ZC3H13: variants seen among roughly 807,000 people sequenced by gnomAD.
ZC3H13 encodes the protein zinc finger CCCH-type containing 13.
Under a neutral mutation model 204.1 loss-of-function variants are expected in ZC3H13, and 64 were observed. That is an observed-to-expected ratio of 0.31 (90% CI 0.26 to 0.39). The LOEUF (loss-of-function observed/expected upper bound fraction) is 0.39. Ranked by LOEUF, ZC3H13 falls within the 10% of genes least tolerant of loss-of-function variation. The pLI is 1.00. For missense variants in ZC3H13, 1,833 were observed against 2,082.7 expected (o/e 0.88, Z 2.33); for synonymous variants, 667 against 693.7 (o/e 0.96, Z 0.60).
At chr13:45,975,062 T>C (rs892050731) in intron 12 of ZC3H13, among the ~76,000 whole-genome samples, 19 of 151,956 alleles carry the variant, frequency 1.3e-4, no homozygotes, top group African/African-American at 4.6e-4. Flanking sequence ...CCCAGGCTGG[T>C]CTCAAACTCC....
chr13:46,044,263 G>C (rs1237534231), intron 3 of ZC3H13, among the ~76,000 whole-genome samples: 1 of 151,270 alleles, frequency 6.6e-6, no homozygotes, highest in African/African-American at 2.4e-5. Flanking sequence ...ACCAATTTTG[G>C]ATCTAGGTAA....
chr13:45,986,628 G>T (rs959318826), intron 9 of ZC3H13, among the ~76,000 whole-genome samples: 2 of 152,074 alleles, frequency 1.3e-5, no homozygotes, highest in Non-Finnish European at 2.9e-5. Flanking sequence ...TTTAGAAAGG[G>T]CACAAATTGA....
chr13:46,005,992 G>C (rs997507074), intron 7 of ZC3H13, among the ~76,000 whole-genome samples: 2 of 151,912 alleles, frequency 1.3e-5, no homozygotes, highest in Non-Finnish European at 2.9e-5. Flanking sequence ...CTACTCAGGA[G>C]GCTGAGGCAG....
At chr13:46,011,674 T>C (rs2041572319) in intron 5 of ZC3H13, 120 bp from the exon 6 acceptor site, 1 of 619,536 alleles carries the variant, frequency 1.6e-6, no homozygotes, top group Non-Finnish European at 2.5e-6. Context: ...TTCATCAGGA[T>C]CACATACTTC....
chr13:45,967,382 G>GA, intron 15 of ZC3H13, 122 bp downstream of exon 15: 2 of 1,109,212 alleles, frequency 1.8e-6, no homozygotes, highest in Non-Finnish European at 2.5e-6. Flanking sequence ...TTCCTCTATA[G>GA]AAGAATGGAG....
intron 9 of ZC3H13, among the ~76,000 whole-genome samples, chr13:45,986,714 T>G (rs1186029886): frequency 6.6e-6 from 1 of 152,174 alleles, no homozygotes; most frequent in African/African-American, 2.4e-5. Flanking sequence ...TTTTATCAGA[T>G]TCTTCTGCAA....
intron 16 of ZC3H13, among the ~76,000 whole-genome samples, chr13:45,964,326 G>C (rs1170418390): frequency 6.6e-6 from 1 of 152,172 alleles, no homozygotes; most frequent in Non-Finnish European, 1.5e-5. Flanking sequence ...GAACTCTATT[G>C]ATTTCACTCA....
chr13:46,045,771 A>G (rs2043908732), intron 1 of ZC3H13, among the ~76,000 whole-genome samples: 1 of 152,224 alleles, frequency 6.6e-6, no homozygotes, highest in Non-Finnish European at 1.5e-5. Context: ...TGCAGAGTGA[A>G]CGAATATGAT....
intron 8 of ZC3H13, among the ~76,000 whole-genome samples, chr13:45,993,455 G>C (rs1431754818): frequency 1.3e-5 from 2 of 152,144 alleles, no homozygotes; most frequent in Admixed American, 1.3e-4. Flanking sequence ...GGAGGTAGGA[G>C]GGATCTTGAT....
chr13:45,988,657 T>C, intron 9 of ZC3H13, 130 bp downstream of exon 9: 1 of 973,768 alleles, frequency 1.0e-6, no homozygotes, highest in Non-Finnish European at 1.5e-6. Context: ...GCATCTCCTA[T>C]TGCCCTCAAA....
intron 1 of ZC3H13, among the ~76,000 whole-genome samples, chr13:46,045,920 GAA>G (rs1427886223): frequency 6.6e-6 from 1 of 152,148 alleles, no homozygotes; most frequent in Non-Finnish European, 1.5e-5. Context: ...CTGGTTAACT[GAA>G]AAAGAGTTAT....
chr13:45,968,131 T>C (rs1952249766), intron 14 of ZC3H13, 103 bp from the exon 15 acceptor site: 1 of 1,213,958 alleles, frequency 8.2e-7, no homozygotes, highest in South Asian at 1.7e-5. Flanking sequence ...CCTTTTTCCA[T>C]ATTCTATGTA....
chr13:45,992,973 C>T (rs1345810068), intron 8 of ZC3H13, among the ~76,000 whole-genome samples: 1 of 152,110 alleles, frequency 6.6e-6, no homozygotes, highest in Non-Finnish European at 1.5e-5. Context: ...GGCTTTATAG[C>T]CTCCATAATT....
At chr13:45,980,376 A>G (rs899940016) in intron 10 of ZC3H13, among the ~76,000 whole-genome samples, 4 of 152,230 alleles carry the variant, frequency 2.6e-5, no homozygotes, top group African/African-American at 4.8e-5. Flanking sequence ...TATTGCTTAA[A>G]TACAGTTTAC....
At chr13:45,968,096 TCAA>T (rs1952246658) in intron 14 of ZC3H13, 68 bp from the exon 15 acceptor site, 10 of 1,460,382 alleles carry the variant, frequency 6.8e-6, no homozygotes, top group Non-Finnish European at 9.1e-6. Flanking sequence ...ATGCTTCATT[TCAA>T]GGTCCTTTAA....
rs575304585 is a variant in ZC3H13, at chr13:46,033,968, A to G, written c.339+8196T>C. Among the ~76,000 whole-genome samples the G allele has an allele frequency of 9.2e-5, 14 of 152,278 alleles. No individual in the cohort carries two copies. In the South Asian group the frequency reaches 2.7e-3, roughly 29 times the overall value. The stretch of plus-strand genomic sequence containing the variant: ...GAATATTACCAATTGGTAATAGGAC[A>G]AAGAGCCTAATTTATGAGCAAAAGA... On this transcript the variant is annotated intron_variant, in intron 4 of 18. Coordinates refer to ENST00000679008, the MANE Select transcript of ZC3H13 (RefSeq NM_001330564.2).
intron 12 of ZC3H13, among the ~76,000 whole-genome samples, chr13:45,973,151 A>C (rs1192566286): frequency 1.3e-5 from 2 of 152,258 alleles, no homozygotes; most frequent in Non-Finnish European, 2.9e-5. Flanking sequence ...ATATATCAAG[A>C]GATAACTGAC....
chr13:46,022,842 G>A (rs1450184296), intron 4 of ZC3H13, among the ~76,000 whole-genome samples: 1 of 151,690 alleles, frequency 6.6e-6, no homozygotes, highest in Admixed American at 6.6e-5. Flanking sequence ...TTCACCACTT[G>A]TATAAAAACT....
At chr13:46,046,022 C>T (rs1296010696) in intron 1 of ZC3H13, among the ~76,000 whole-genome samples, 1 of 152,022 alleles carries the variant, frequency 6.6e-6, no homozygotes, top group African/African-American at 2.4e-5. Context: ...CAGTTATGTT[C>T]CAAAAATCAG....
Sources: gnomAD v4.1 joint callset for allele counts (sites outside exome capture counted in the v4.1 genomes callset) on GRCh38, gnomAD v4.1.1 for gene constraint, MANE v1.5 for transcripts, NCBI Gene and HGNC (gene_info 2026-07-23, HGNC 2026-07-21) for gene names.